LHFPL3: variants seen among roughly 807,000 people sequenced by gnomAD.
LHFPL3 encodes the protein LHFPL tetraspan subfamily member 3.
A neutral mutation model predicts 19.3 loss-of-function variants in LHFPL3; 5 were observed. The observed-to-expected ratio is 0.26, with a 90% CI of 0.14 to 0.54. The LOEUF is 0.54. Ranked by LOEUF, LHFPL3 falls within the 20% of genes least tolerant of loss-of-function variation. LHFPL3 has a pLI of 0.94. For missense variants in LHFPL3, 249 were observed against 307.4 expected (o/e 0.81, Z 1.42); for synonymous variants, 133 against 126.2 (o/e 1.05, Z -0.36).
At chr7:104,717,129 A>C (rs1265535130) in intron 1 of LHFPL3, among the ~76,000 whole-genome samples, 2 of 152,168 alleles carry the variant, frequency 1.3e-5, no homozygotes, top group Non-Finnish European at 2.9e-5. Flanking sequence ...TTGGAATCTT[A>C]TCTTACACCA....
intron 2 of LHFPL3, among the ~76,000 whole-genome samples, chr7:104,789,482 A>G (rs2116442967): frequency 6.6e-6 from 1 of 152,244 alleles, no homozygotes; most frequent in African/African-American, 2.4e-5. Flanking sequence ...AGCTATCTTC[A>G]TGGAAAGCCA....
intron 1 of LHFPL3, among the ~76,000 whole-genome samples, chr7:104,641,543 G>T (rs1388054384): frequency 1.3e-5 from 2 of 152,144 alleles, no homozygotes; most frequent in African/African-American, 4.8e-5. Flanking sequence ...GATTTCTTTT[G>T]GAGAAAGAGT....
At chr7:104,746,303 C>G (rs1410487141) in intron 2 of LHFPL3, among the ~76,000 whole-genome samples, 3 of 151,896 alleles carry the variant, frequency 2.0e-5, no homozygotes, top group Non-Finnish European at 4.4e-5. Flanking sequence ...TAGAGCGAGA[C>G]TCCATCTCAA....
At chr7:104,824,856 T>TTA (rs557793582) in intron 2 of LHFPL3, among the ~76,000 whole-genome samples, 6 of 132,792 alleles carry the variant, frequency 4.5e-5, no homozygotes, top group Non-Finnish European at 7.7e-5. Context: ...TATCTAATAA[T>TTA]TATATATATT....
At chr7:104,701,593 A>G (rs1793102610) in intron 1 of LHFPL3, among the ~76,000 whole-genome samples, 1 of 152,296 alleles carries the variant, frequency 6.6e-6, no homozygotes, top group East Asian at 1.9e-4. Context: ...GAGGACAAGG[A>G]AAAGGAGGGG....
At chr7:104,488,466 G>C (rs1793277830) in intron 1 of LHFPL3, among the ~76,000 whole-genome samples, 1 of 151,954 alleles carries the variant, frequency 6.6e-6, no homozygotes, top group Non-Finnish European at 1.5e-5. Context: ...TTTTTATCTG[G>C]TCCACTTGAT....
chr7:104,852,358 G>A (rs1051610774), intron 2 of LHFPL3, among the ~76,000 whole-genome samples: 3 of 152,248 alleles, frequency 2.0e-5, no homozygotes, highest in Non-Finnish European at 4.4e-5. Context: ...GCTGCCCCCA[G>A]CAGTGGGGAT....
At chr7:104,561,860 T>C (rs867518874) in intron 1 of LHFPL3, among the ~76,000 whole-genome samples, 20 of 152,322 alleles carry the variant, frequency 1.3e-4, no homozygotes, top group African/African-American at 4.3e-4. Flanking sequence ...CTTCAGGAGC[T>C]CTTGTAAGGC....
intron 1 of LHFPL3, among the ~76,000 whole-genome samples, chr7:104,363,038 G>A (rs1243353497): frequency 6.6e-6 from 1 of 152,218 alleles, no homozygotes; most frequent in Non-Finnish European, 1.5e-5. Flanking sequence ...TGTAGCCTCT[G>A]GCTGCATTAC....
chr7:104,885,721 T>G (rs1016139948), intron 2 of LHFPL3, among the ~76,000 whole-genome samples: 1 of 152,150 alleles, frequency 6.6e-6, no homozygotes, highest in Non-Finnish European at 1.5e-5. Context: ...CCTTACAGTC[T>G]TCTTGTCACT....
At chr7:104,508,673 TC>T (rs1793750349) in intron 1 of LHFPL3, among the ~76,000 whole-genome samples, 2 of 150,588 alleles carry the variant, frequency 1.3e-5, no homozygotes, top group South Asian at 4.2e-4. Flanking sequence ...AAAGGAGACA[TC>T]TCAAATCAAT....
At chr7:104,873,609 C>T (rs879608636) in intron 2 of LHFPL3, among the ~76,000 whole-genome samples, 23 of 152,126 alleles carry the variant, frequency 1.5e-4, no homozygotes, top group Admixed American at 6.5e-4. Flanking sequence ...GCCTGGGTAA[C>T]AGAGAAAGAT....
intron 1 of LHFPL3, among the ~76,000 whole-genome samples, chr7:104,404,816 T>C (rs1352673977): frequency 2.0e-5 from 3 of 152,222 alleles, no homozygotes; most frequent in African/African-American, 2.4e-5. Context: ...TTTTGTACTT[T>C]GATCCTGTGA....
At chr7:104,748,757 G>A (rs1794098450) in intron 2 of LHFPL3, among the ~76,000 whole-genome samples, 1 of 152,122 alleles carries the variant, frequency 6.6e-6, no homozygotes, top group South Asian at 2.1e-4. Flanking sequence ...TCCTCCATAT[G>A]CTGAACGCTG....
rs1801520074 is a variant in LHFPL3, at chr7:104,329,104, T to G, written c.325T>G (p.Ser109Ala). The G allele has an allele frequency of 1.2e-6, 2 of 1,613,956 alleles. No individual in the cohort carries two copies. Among genetic ancestry groups the G allele is most frequent in the Non-Finnish European group, 1.7e-6 (2 of 1,179,914 alleles). The stretch of plus-strand genomic sequence containing the variant: ...GCCCTCGGGCGCCTTCAAAGCCGCC[T>G]CCTTCTTTATCGGCCTCTCCATGAT... ...TLPSGAFKAA[S>A]FFIGLSMMLI... The change falls in exon 1 of 3, where the codon TCC becomes GCC. Residue 109 changes from serine to alanine, a missense_variant. Ser to Ala is a moderately conservative substitution (Grantham distance 99, BLOSUM62 1). Coordinates refer to ENST00000424859, the MANE Select transcript of LHFPL3 (RefSeq NM_199000.3).
intron 1 of LHFPL3, among the ~76,000 whole-genome samples, chr7:104,643,367 A>T (rs1350056839): frequency 3.3e-5 from 5 of 152,180 alleles, no homozygotes; most frequent in Admixed American, 2.0e-4. Context: ...CCTACCTCAA[A>T]CACTTTTTCT....
chr7:104,651,104 G>A (rs7459082), intron 1 of LHFPL3, among the ~76,000 whole-genome samples: 13,040 of 152,192 alleles, frequency 0.086, 728 homozygotes, highest in Middle Eastern at 0.15. Context: ...GGTATGGAAC[G>A]AGGGTGGATT....
intron 1 of LHFPL3, among the ~76,000 whole-genome samples, chr7:104,386,686 G>A (rs933993652): frequency 6.6e-6 from 1 of 152,240 alleles, no homozygotes; most frequent in African/African-American, 2.4e-5. Context: ...TGATATACGT[G>A]TAGGACCTCT....
chr7:104,742,014 G>A (rs1261844218), intron 2 of LHFPL3, among the ~76,000 whole-genome samples: 1 of 152,164 alleles, frequency 6.6e-6, no homozygotes, highest in Non-Finnish European at 1.5e-5. Context: ...GCCAATAACA[G>A]TAGGCATTTA....
Sources: gnomAD v4.1 joint callset for allele counts (sites outside exome capture counted in the v4.1 genomes callset) on GRCh38, gnomAD v4.1.1 for gene constraint, MANE v1.5 for transcripts, NCBI Gene and HGNC (gene_info 2026-07-23, HGNC 2026-07-21) for gene names.